The following MAST2 variants were observed in gnomAD, a reference collection of about 807,000 sequenced individuals.
MAST2 encodes the protein microtubule associated serine/threonine kinase 2.
In MAST2, 70 loss-of-function variants were observed where a neutral mutation model predicts 147.4. That is an observed-to-expected ratio of 0.47 (90% confidence interval 0.39 to 0.58). The LOEUF is 0.58. Ranked by LOEUF, MAST2 falls within the 20% of genes least tolerant of loss-of-function variation. MAST2 has a pLI of 0.00. For synonymous variants in MAST2, 869 were observed against 896.8 expected, an observed-to-expected ratio of 0.97 and a Z score of 0.55; for missense variants, 2,080 against 2,302.3, an observed-to-expected ratio of 0.90 and a Z score of 1.98.
At chr1:45,917,523 C>T in intron 4 of MAST2, 1 of 1,366,522 alleles carries the variant, frequency 7.3e-7, no homozygotes, top group African/African-American at 1.5e-5. Flanking sequence ...CAGCCGCCCA[C>T]TGCCGTGGAG....
intron 3 of MAST2, among the ~76,000 whole-genome samples, chr1:45,880,139 T>A (rs1385708537): frequency 6.6e-6 from 1 of 152,138 alleles, no homozygotes; most frequent in Non-Finnish European, 1.5e-5. Context: ...AAGTGAAATA[T>A]AGCTTGTCAA....
chr1:46,017,665 A>G (rs1360237767), intron 10 of MAST2, among the ~76,000 whole-genome samples: 1 of 147,946 alleles, frequency 6.8e-6, no homozygotes, highest in Admixed American at 6.7e-5. Context: ...AAGTCAGGAA[A>G]CAACAGGTGC....
intron 4 of MAST2, among the ~76,000 whole-genome samples, chr1:45,924,720 C>T (rs1389350908): frequency 1.3e-5 from 2 of 152,218 alleles, no homozygotes; most frequent in Non-Finnish European, 1.5e-5. Flanking sequence ...TAACTCAGAA[C>T]GTCACTGTAT....
chr1:45,898,316 C>T (rs2148460145), intron 4 of MAST2, among the ~76,000 whole-genome samples: 1 of 152,236 alleles, frequency 6.6e-6, no homozygotes, highest in Admixed American at 6.5e-5. Context: ...TAAGCCAGCC[C>T]TTCATGCTTT....
intron 4 of MAST2, among the ~76,000 whole-genome samples, chr1:45,932,774 G>C (rs1422206125): frequency 6.6e-6 from 1 of 152,064 alleles, no homozygotes; most frequent in Non-Finnish European, 1.5e-5. Context: ...GCTCAAAATT[G>C]TATCATATCT....
rs138932017 is a variant in MAST2 at position 45,985,742 on chromosome 1, C to T, written c.593-11982C>T. On this transcript the variant is annotated intron_variant, in intron 5 of 28. Coordinates refer to ENST00000361297, the MANE Select transcript of MAST2 (RefSeq NM_015112.3). ...CTTAACAATATCAAATCTTTTAACC[C>T]ATGAACATGCTTTGTTTCTCCACCT... Among the ~76,000 whole-genome samples the T allele has an allele frequency of 1.8e-3, 271 of 152,274 alleles. 3 individuals are homozygous for T. Among genetic ancestry groups the T allele is most frequent in the African/African-American group, 6.4e-3 (265 of 41,560 alleles).
At chr1:45,939,452 C>T (rs1223790791) in intron 4 of MAST2, among the ~76,000 whole-genome samples, 3 of 151,664 alleles carry the variant, frequency 2.0e-5, no homozygotes, top group African/African-American at 4.8e-5. Flanking sequence ...TATAATTCCT[C>T]CAACTTTGTT....
intron 22 of MAST2, 86 bp downstream of exon 22, chr1:46,030,847 G>A (rs41292258): frequency 6.1e-5 from 90 of 1,482,094 alleles, no homozygotes; most frequent in Middle Eastern, 1.8e-4. Context: ...ATGCCAGGGA[G>A]GAGTGCAGGT....
intron 16 of MAST2, among the ~76,000 whole-genome samples, chr1:46,027,425 A>G (rs1413092951): frequency 1.3e-5 from 2 of 152,222 alleles, no homozygotes; most frequent in Non-Finnish European, 2.9e-5. Context: ...TCAGCTCTGT[A>G]GAAGAAACTC....
rs2149299320 is a variant in MAST2, at chr1:46,023,774, C to T, written c.1574C>T (p.Ala525Val). ...IKLISNGAYG[A>V]VFLVRHKSTR... ...ATGGGCCGGACTTTGTTTCCCAGGG[C>T]TGTATTTCTGGTGCGGCACAAGTCC... The change falls in exon 15 of 29, where the codon GCT (alanine) becomes GTT (valine). Residue 525 changes from alanine (A) to valine (V), a missense_variant and splice_region_variant. Ala to Val is a moderately conservative substitution (Grantham distance 64, BLOSUM62 0). Transcript: ENST00000361297. This position sits in a 1 kb window ranked among gnomAD's most constrained non-coding sequence, Gnocchi z 4.9. 4 of 1,613,762 alleles carry T rather than the reference C, an allele frequency of 2.5e-6. No individual in the cohort carries two copies. Among genetic ancestry groups the T allele is most frequent in the Non-Finnish European group, 3.4e-6 (4 of 1,179,824 alleles).
intron 26 of MAST2, 60 bp from the exon 27 acceptor site, chr1:46,033,742 G>T: frequency 6.3e-7 from 1 of 1,590,066 alleles, no homozygotes; most frequent in South Asian, 1.1e-5. Context: ...AAGGATTGGG[G>T]GAGGGGAGGG....
intron 4 of MAST2, chr1:45,913,728 G>A (rs1319843762): frequency 9.9e-7 from 1 of 1,010,962 alleles, no homozygotes; most frequent in Non-Finnish European, 1.2e-6. Context: ...AGTTTGGGAA[G>A]CTTTTATAAT....
At chr1:45,987,448 G>A (rs1006007576) in intron 5 of MAST2, among the ~76,000 whole-genome samples, 2 of 152,014 alleles carry the variant, frequency 1.3e-5, no homozygotes, top group African/African-American at 4.8e-5. Flanking sequence ...CAAGTAGCCA[G>A]GACCACAGGC....
At chr1:45,901,147 A>G (rs1158162692) in intron 4 of MAST2, among the ~76,000 whole-genome samples, 1 of 151,988 alleles carries the variant, frequency 6.6e-6, no homozygotes, top group Non-Finnish European at 1.5e-5. Context: ...TTAAATTTAA[A>G]TTTTTAATCC....
At chr1:45,877,362 G>A (rs1205392619) in intron 3 of MAST2, among the ~76,000 whole-genome samples, 1 of 152,102 alleles carries the variant, frequency 6.6e-6, no homozygotes, top group South Asian at 2.1e-4. Context: ...GAGTAGCTGG[G>A]ACTACAGGTG....
intron 5 of MAST2, among the ~76,000 whole-genome samples, chr1:45,987,458 C>T (rs1644672102): frequency 6.6e-6 from 1 of 152,010 alleles, no homozygotes; most frequent in Admixed American, 6.6e-5. Context: ...GGACCACAGG[C>T]ACACCGCCAT....
chr1:45,946,041 T>C (rs913991218), intron 4 of MAST2, among the ~76,000 whole-genome samples: 1 of 152,222 alleles, frequency 6.6e-6, no homozygotes, highest in Non-Finnish European at 1.5e-5. Context: ...ACAAAACCAT[T>C]ATCTCCCTTT....
intron 2 of MAST2, among the ~76,000 whole-genome samples, chr1:45,825,970 C>T (rs570035773): frequency 7.9e-5 from 12 of 151,812 alleles, no homozygotes; most frequent in Admixed American, 2.0e-4. Context: ...CCAGCCACTC[C>T]GGAGGCTGAG....
At position 46,022,542 on chromosome 1, in the gene MAST2, G is replaced by C. The variant is rs12563177; in HGVS notation, c.1424-368G>C. ...TGGGCTTCCAAGTCCCTGGTCTGTAGGTATCCTGCTCCTGCCTTCTGTGCT... is the reference window on the plus strand; with the variant it reads ...TGGGCTTCCAAGTCCCTGGTCTGTACGTATCCTGCTCCTGCCTTCTGTGCT... On this transcript the variant is annotated intron_variant, in intron 12 of 28. Coordinates refer to ENST00000361297, the MANE Select transcript of MAST2 (RefSeq NM_015112.3). 6.6e-5 allele frequency among the ~76,000 whole-genome samples: 10 copies of C among 152,140 alleles called. No homozygotes were observed. In the South Asian group the frequency reaches 2.1e-3, roughly 32 times the overall value.
Sources: gnomAD v4.1 joint callset for allele counts (sites outside exome capture counted in the v4.1 genomes callset) on GRCh38, gnomAD v4.1.1 for gene constraint, Gnocchi (gnomAD v3.1) non-coding constraint, MANE v1.5 for transcripts, NCBI Gene and HGNC (gene_info 2026-07-23, HGNC 2026-07-21) for gene names.